NXF1: variants seen among roughly 807,000 people sequenced by gnomAD.
NXF1 encodes nuclear RNA export factor 1, also known as mRNA export factor TAP.
A neutral mutation model predicts 92.4 loss-of-function variants in NXF1; 43 were observed. The observed-to-expected ratio is 0.47, with a 90% CI of 0.36 to 0.60. NXF1 has a LOEUF of 0.60. Ranked by LOEUF, NXF1 falls within the 20% of genes least tolerant of loss-of-function variation. The probability of loss-of-function intolerance (pLI) is 0.00; values close to 1 mark genes in which losing one functional copy is unlikely to be tolerated. For missense variants in NXF1, 576 were observed against 793.0 expected, an observed-to-expected ratio of 0.73 and a Z score of 3.29; for synonymous variants, 288 against 292.2, an observed-to-expected ratio of 0.99 and a Z score of 0.15.
rs1590947070 is a variant in NXF1 at position 62,792,373 on chromosome 11, C to T, written c.*103G>A. The stretch of plus-strand genomic sequence containing the variant: ...GCCCTCCCTCCCTCGGTCACAGTCA[C>T]GGGGCGGCCTCGGGCCAGACAGGAG... On this transcript the variant is annotated 3_prime_UTR_variant, in exon 21 of 21. Transcript: ENST00000294172. 1.1e-5 allele frequency: 15 copies of T among 1,423,298 alleles called. No individual in the cohort carries two copies. Among genetic ancestry groups the T allele is most frequent in the African/African-American group, 7.0e-5 (5 of 71,326 alleles). The allele number at this position is 1,423,298 out of a possible 1,614,324, so 88.2% of individuals were successfully genotyped here.
Position 62,805,422 on chromosome 11 carries a change from A to C in NXF1, c.-66T>G. Reference sequence around the variant, plus strand: ...TACGCCGGCAAACAACCTAACTCCCAAGCGCTCAGGACCGAAGTGTCCCTA... The same window carrying C: ...TACGCCGGCAAACAACCTAACTCCCCAGCGCTCAGGACCGAAGTGTCCCTA... On this transcript the variant is annotated 5_prime_UTR_variant, in exon 1 of 21. Transcript: ENST00000294172. 1 of 1,603,952 alleles carries C rather than the reference A, an allele frequency of 6.2e-7. No homozygotes were observed. The highest frequency in any genetic ancestry group is 8.5e-7 in the Non-Finnish European group (1 of 1,175,372).
At chr11:62,802,333 T>C in intron 3 of NXF1, 73 bp from the exon 4 acceptor site, 2 of 1,252,958 alleles carry the variant, frequency 1.6e-6, no homozygotes, top group Non-Finnish European at 2.3e-6. Flanking sequence ...CAATGCCTTT[T>C]ATACCTTCTA....
Position 62,796,992 on chromosome 11 carries a change from T to C in NXF1, c.1178+191A>G, listed in dbSNP as rs193297263. On this transcript the variant is annotated intron_variant, in intron 13 of 20. Transcript: ENST00000294172. The stretch of plus-strand genomic sequence containing the variant: ...TGAGGCAGGAGAATCACTTGAACCC[T>C]GGGAGGCAGAGGTTGCAGTGAGCCA... 9.8e-4 allele frequency: 571 copies of C among 585,202 alleles called. 1 individual carries two copies. The highest frequency in any genetic ancestry group is 1.4e-3 in the Middle Eastern group (3 of 2,148). 36.3% of individuals were successfully genotyped at this position (585,202 alleles called of 1,614,324 possible). A position where few individuals can be genotyped will look rare whatever the true frequency, so the allele number is the denominator to read the frequency against.
chr11:62,793,237 C>A (rs1455078118), intron 19 of NXF1, among the ~76,000 whole-genome samples: 1 of 152,174 alleles, frequency 6.6e-6, no homozygotes, highest in East Asian at 1.9e-4. Context: ...GAACGCCAAG[C>A]CCCGCTAATT....
In NXF1 at chr11:62,803,796, G is replaced by C; in HGVS notation, c.211C>G (p.Arg71Gly). The C allele has an allele frequency of 6.2e-7, 1 of 1,613,566 alleles. No individual in the cohort carries two copies. The highest frequency in any genetic ancestry group is 8.5e-7 in the Non-Finnish European group (1 of 1,179,774). Residue 71 changes from arginine (R) to glycine (G), a missense_variant, in exon 2 of 21, where the codon CGA becomes GGA. This residue lies in a region of NXF1 where 151 missense variants were observed against 157.8 expected (regional missense o/e 0.96). Transcript: ENST00000294172. ...CCAGACCAACTGGTCACTCACTATC[G>C]TACTCGGGGACCATCCTGGGCATCA... is the stretch of plus-strand genomic sequence containing the variant. ...MSDAQDGPRV[R>G]YNPYTTRPNR...
At chr11:62,795,399 C>A in intron 17 of NXF1, 1 of 201,722 alleles carries the variant, frequency 5.0e-6, no homozygotes, top group South Asian at 8.9e-5. Flanking sequence ...CCACTTGAAC[C>A]CAGGAGACGG....
intron 10 of NXF1, chr11:62,799,318 T>C (rs562128525): frequency 1.1e-5 from 11 of 985,754 alleles, no homozygotes; most frequent in Non-Finnish European, 1.3e-5. Flanking sequence ...ATCCTTGCTG[T>C]GGTGAGTGGG....
rs2134775237 is a variant in NXF1, at chr11:62,800,950, T to C, written c.906+144A>G. 3 of 666,846 alleles carry C rather than the reference T, an allele frequency of 4.5e-6. No individual in the cohort carries two copies. In the East Asian group the frequency reaches 8.1e-5, roughly 18 times the overall value. The allele number at this position is 666,846 out of a possible 1,614,324, so 41.3% of individuals were successfully genotyped here. ...CCTAGCCTTAAGTGATCCTCCTGCC[T>C]TGGCCTCCCAAAGTGTTAGGATTAG... On this transcript the variant is annotated intron_variant, in intron 9 of 20. Transcript: ENST00000294172.
chr11:62,805,239 C>A, intron 1 of NXF1, 90 bp downstream of exon 1: 1 of 1,310,424 alleles, frequency 7.6e-7, no homozygotes, highest in African/African-American at 1.5e-5. Context: ...GGGCCCCTAG[C>A]GGCCTCACGC....
chr11:62,804,135 C>A (rs1164865181), intron 1 of NXF1, 157 bp from the exon 2 acceptor site: 2 of 1,548,552 alleles, frequency 1.3e-6, no homozygotes, highest in South Asian at 2.3e-5. Flanking sequence ...CAGGAAAGAA[C>A]CCTCTCTGTG....
In NXF1 at chr11:62,802,060, C is replaced by A. The variant is rs751227205; in HGVS notation, c.454-14G>T. 2 of 1,613,422 alleles carry A rather than the reference C, an allele frequency of 1.2e-6. No homozygotes were observed. The highest frequency in any genetic ancestry group is 3.3e-5 in the Admixed American group (2 of 60,022). On this transcript the variant is annotated splice_polypyrimidine_tract_variant and intron_variant, in intron 4 of 20. Coordinates refer to ENST00000294172, the MANE Select transcript of NXF1 (RefSeq NM_006362.5). ...CTCATAGTGAAACTACAAGAGGAAA[C>A]AGGAGCATTACACTGGGAGTCCAGA...
intron 3 of NXF1, 54 bp from the exon 4 acceptor site, chr11:62,802,314 G>A: frequency 6.9e-7 from 1 of 1,456,428 alleles, no homozygotes; most frequent in Non-Finnish European, 9.6e-7. Flanking sequence ...CTGAATAGCA[G>A]ACCCAATACA....
intron 19 of NXF1, among the ~76,000 whole-genome samples, chr11:62,793,242 C>T (rs2084385153): frequency 6.6e-6 from 1 of 152,210 alleles, no homozygotes; most frequent in Non-Finnish European, 1.5e-5. Flanking sequence ...CCAAGCCCCG[C>T]TAATTTTTGT....
chr11:62,803,302 CA>C (rs953106619), intron 3 of NXF1, 116 bp downstream of exon 3: 2 of 860,926 alleles, frequency 2.3e-6, no homozygotes, highest in Non-Finnish European at 1.7e-6. Context: ...GGTGACAGAG[CA>C]AGACTCCATT....
In NXF1 at chr11:62,805,414, T is replaced by G. The variant is rs369611028; in HGVS notation, c.-58A>C. On this transcript the variant is annotated 5_prime_UTR_variant, in exon 1 of 21. Transcript: ENST00000294172. ...CTGGCCGCTACGCCGGCAAACAACC[T>G]AACTCCCAAGCGCTCAGGACCGAAG... is the stretch of plus-strand genomic sequence containing the variant. 2 of 1,604,984 alleles carry G rather than the reference T, an allele frequency of 1.2e-6. No homozygotes were observed.
chr11:62,796,620 A>G (rs2084423062), intron 13 of NXF1, 53 bp from the exon 14 acceptor site: 1 of 1,191,946 alleles, frequency 8.4e-7, no homozygotes, highest in African/African-American at 1.5e-5. Context: ...CAGCCATACA[A>G]GGACCCAGTA....
Position 62,801,726 on chromosome 11 carries a change from G to C in NXF1, c.639+13C>G, listed in dbSNP as rs1032223458. 1.2e-6 allele frequency: 2 copies of C among 1,612,510 alleles called. No individual in the cohort carries two copies. Among genetic ancestry groups the C allele is most frequent in the South Asian group, 1.1e-5 (1 of 91,050 alleles). On this transcript the variant is annotated intron_variant, in intron 6 of 20. Transcript: ENST00000294172. The stretch of plus-strand genomic sequence containing the variant: ...AGACTGGGTTGGAAACATCTAATTT[G>C]AGCCTGCCTCACCTTTAGCTGTTCT...
At chr11:62,795,645 C>T (rs549008594) in intron 17 of NXF1, among the ~76,000 whole-genome samples, 1 of 152,296 alleles carries the variant, frequency 6.6e-6, no homozygotes, top group East Asian at 1.9e-4. Flanking sequence ...TACTTGTCCA[C>T]AGCCCCGCAC....
intron 19 of NXF1, 65 bp from the exon 20 acceptor site, chr11:62,792,766 T>G (rs2084378510): frequency 1.3e-6 from 2 of 1,528,522 alleles, no homozygotes; most frequent in East Asian, 4.5e-5. Flanking sequence ...GAAAGTCCAC[T>G]CCATAAAAGC....
Sources: allele counts gnomAD v4.1 joint callset (sites outside exome capture counted in the v4.1 genomes callset), GRCh38; gene constraint gnomAD v4.1.1; regional missense constraint gnomAD v4.1.1; transcripts MANE v1.5; gene names NCBI Gene and HGNC (gene_info 2026-07-23, HGNC 2026-07-21).